Variants in APC2 observed in about 807,000 individuals in gnomAD.
APC2 encodes adenomatous polyposis coli protein 2.
In APC2, 41 loss-of-function variants were observed where a neutral mutation model predicts 72.5. The ratio of observed to expected loss-of-function variants is 0.57; its 90% CI spans 0.44 to 0.73. The LOEUF (loss-of-function observed/expected upper bound fraction) is 0.73. APC2 is among the 30% of genes least tolerant of loss of function. The probability of loss-of-function intolerance (pLI) is 0.00; values close to 1 mark genes in which losing one functional copy is unlikely to be tolerated. For missense variants in APC2, 3,729 were observed against 3,403.4 expected (o/e 1.10, Z -2.38); for synonymous variants, 1,898 against 1,612.0 (o/e 1.18, Z -4.25).
Position 1,455,473 on chromosome 19 carries a change from C to G in APC2, c.612C>G (p.Thr204=). 6.2e-7 allele frequency: 1 copy of G among 1,603,814 alleles called. No homozygotes were observed. Among genetic ancestry groups the G allele is most frequent in the Non-Finnish European group, 8.5e-7 (1 of 1,175,668 alleles). Residue 204 remains threonine, a synonymous_variant, in exon 6 of 15, where the codon ACC becomes ACG. Transcript: ENST00000590469. ...CGCTGATGGAGGAGCGCTTCGGCACCTCGGACGAGATGGTGCAGCGGGCAC... is the reference window on the plus strand; with the variant it reads ...CGCTGATGGAGGAGCGCTTCGGCACGTCGGACGAGATGGTGCAGCGGGCAC... ...IRSLMEERFG[T]SDEMVQRAQI... is the part of the protein sequence containing the mutation.
chr19:1,465,789 G>C lies in APC2; in HGVS notation c.2488G>C (p.Glu830Gln). Residue 830 changes from glutamate to glutamine, a missense_variant, in exon 15 of 15, where the codon GAG becomes CAG. Transcript: ENST00000590469. ...PPTRRGGKEAEKDTSGEAAVA... is the reference protein window; with the variant it reads ...PPTRRGGKEAQKDTSGEAAVA... ...CACCCGCCGAGGCGGCAAGGAGGCA[G>C]AGAAGGACACCAGTGGGGAGGCAGC... is the stretch of plus-strand genomic sequence containing the variant. 1 of 1,579,814 alleles carries C rather than the reference G, an allele frequency of 6.3e-7. No individual in the cohort carries two copies. Among genetic ancestry groups the C allele is most frequent in the Non-Finnish European group, 8.6e-7 (1 of 1,164,598 alleles).
chr19:1,460,265 G>A lies in APC2; in HGVS notation c.1388G>A (p.Arg463His), dbSNP rs148440924. 49 of 1,613,418 alleles carry A rather than the reference G, an allele frequency of 3.0e-5. No homozygotes were observed. The highest frequency in any genetic ancestry group is 1.2e-4 in the Admixed American group (7 of 60,008). The change falls in exon 11 of 15, where the codon CGC becomes CAC. Residue 463 changes from arginine to histidine, a missense_variant. By Grantham distance (29) the Arg-to-His change is conservative. Coordinates refer to ENST00000590469, the MANE Select transcript of APC2 (RefSeq NM_005883.3). ...CGGGACCCGCTGAACCTGGCGCTGC[G>A]CCGCTACGCGGGCATGACCCTCACC... ...MTRDPLNLAL[R>H]RYAGMTLTNL... is the part of the protein sequence containing the mutation.
At chr19:1,455,617 G>T (rs2083810885) in intron 6 of APC2, 117 bp downstream of exon 6, 6 of 1,007,100 alleles carry the variant, frequency 6.0e-6, no homozygotes, top group African/African-American at 1.6e-5. Context: ...ATGCCTCCTG[G>T]GTTGGGGGGC....
rs755135928 is a variant in APC2, at chr19:1,467,981, G to A, written c.4680G>A (p.Pro1560=). 9 of 1,579,118 alleles carry A rather than the reference G, an allele frequency of 5.7e-6. No individual in the cohort carries two copies. Among genetic ancestry groups the A allele is most frequent in the Admixed American group, 1.7e-5 (1 of 58,496 alleles). The change falls in exon 15 of 15, where the codon CCG becomes CCA. Residue 1560 remains proline, a synonymous_variant. Coordinates refer to ENST00000590469, the MANE Select transcript of APC2 (RefSeq NM_005883.3). ...CCAAGGCTGCACCAGCTGCCCCGCC[G>A]CCCGCCCGGACCCAGCCCAGCCTCA... The part of the protein sequence containing the change: ...APSKAAPAAP[P]PARTQPSLIA...
Position 1,468,050 on chromosome 19 carries a change from C to T in APC2, c.4749C>T (p.Ala1583=). ...TPPCYSLSSS[A]SSLSEPEPSE... ...CCTGCTACTCCCTGAGCTCCTCCGC[C>T]AGCTCCCTCAGCGAGCCCGAGCCCT... The change falls in exon 15 of 15, where the codon GCC becomes GCT. Residue 1583 remains alanine, a synonymous_variant. Coordinates refer to ENST00000590469, the MANE Select transcript of APC2 (RefSeq NM_005883.3). 6.3e-7 allele frequency: 1 copy of T among 1,576,856 alleles called. No homozygotes were observed. The highest frequency in any genetic ancestry group is 8.5e-7 in the Non-Finnish European group (1 of 1,170,922).
rs929405000 is a variant in APC2, at chr19:1,470,304, G to A, written c.*91G>A. 2 of 1,420,278 alleles carry A rather than the reference G, an allele frequency of 1.4e-6. No homozygotes were observed. The highest frequency in any genetic ancestry group is 1.5e-5 in the South Asian group (1 of 68,540). 88.0% of individuals were successfully genotyped at this position (1,420,278 alleles called of 1,614,324 possible). ...GCCTGCGCTGTAGACGTCCCCCATA[G>A]GTCGCCCCAGGGCCTCTGCCCACCC... On this transcript the variant is annotated 3_prime_UTR_variant, in exon 15 of 15. Transcript: ENST00000590469.
chr19:1,466,622 G>A lies in APC2; in HGVS notation c.3321G>A (p.Glu1107=), dbSNP rs1223547300. ...GGCTGGAGGAGGCCGGCCCCAGCGA[G>A]GCTGAGCTGGACAGCACGTGGCGGG... ...LEGLEEAGPS[E]AELDSTWRAP... is the part of the protein sequence containing the mutation. The change falls in exon 15 of 15, where the codon GAG becomes GAA. Residue 1107 remains glutamate, a synonymous_variant. Transcript: ENST00000590469. 1 of 1,521,520 alleles carries A rather than the reference G, an allele frequency of 6.6e-7. No homozygotes were observed. The allele number at this position is 1,521,520 out of a possible 1,614,324, so 94.3% of individuals were successfully genotyped here.
chr19:1,465,982 C>T lies in APC2; in HGVS notation c.2681C>T (p.Pro894Leu), dbSNP rs1599155128. 1 of 1,529,282 alleles carries T rather than the reference C, an allele frequency of 6.5e-7. No individual in the cohort carries two copies. Among genetic ancestry groups the T allele is most frequent in the Non-Finnish European group, 8.7e-7 (1 of 1,147,358 alleles). The allele number at this position is 1,529,282 out of a possible 1,614,324, so 94.7% of individuals were successfully genotyped here. A position where few individuals can be genotyped will look rare whatever the true frequency, so the allele number is the denominator to read the frequency against. Residue 894 changes from proline to leucine, a missense_variant, in exon 15 of 15, where the codon CCA (proline) becomes CTA (leucine). Coordinates refer to ENST00000590469, the MANE Select transcript of APC2 (RefSeq NM_005883.3). ...GAGGGCCGCGCCCAGTCCTGCTCGC[C>T]ATGCCGCGGCCCGGAGGGCGGGCGG... is the stretch of plus-strand genomic sequence containing the variant. ...PREGRAQSCS[P>L]CRGPEGGRRE... is the part of the protein sequence containing the mutation.
In APC2 at chr19:1,452,881, T is replaced by C; in HGVS notation, c.-18-103T>C. On this transcript the variant is annotated intron_variant, in intron 1 of 14. Coordinates refer to ENST00000590469, the MANE Select transcript of APC2 (RefSeq NM_005883.3). The surrounding 1 kb of genome is among the most constrained non-coding windows in gnomAD (Gnocchi z 5.1). ...GCCTGAGACCCCCCCCAACCCAGGATCAGGCAGGACGGCTGGGGCTTAGGT... is the reference window on the plus strand; with the variant it reads ...GCCTGAGACCCCCCCCAACCCAGGACCAGGCAGGACGGCTGGGGCTTAGGT... The C allele has an allele frequency of 7.2e-7, 1 of 1,380,110 alleles. No homozygotes were observed. The highest frequency in any genetic ancestry group is 2.5e-5 in the East Asian group (1 of 40,810). The allele number at this position is 1,380,110 out of a possible 1,614,324, so 85.5% of individuals were successfully genotyped here. A position where few individuals can be genotyped will look rare whatever the true frequency, so the allele number is the denominator to read the frequency against.
At chr19:1,446,612 T>G (rs968334475), upstream of APC2, among the ~76,000 whole-genome samples, 17 of 151,982 alleles carry the variant, frequency 1.1e-4, no homozygotes, top group African/African-American at 4.1e-4. This position sits in a 1 kb window ranked among gnomAD's most constrained non-coding sequence, Gnocchi z 6.1. Flanking sequence ...AGCCCAGCCC[T>G]CGGCCTCTGC....
In APC2 at chr19:1,468,971, C is replaced by T. The variant is rs748558228; in HGVS notation, c.5670C>T (p.Arg1890=). ...CCTCCCAGCCCCTGCCCAGAAAGCG[C>T]CCCCCGGTCACCCAGGCTGCTGGGG... ...SPASQPLPRK[R]PPVTQAAGAL... Residue 1890 remains arginine, a synonymous_variant, in exon 15 of 15, where the codon CGC becomes CGT. Transcript: ENST00000590469. 3.2e-6 allele frequency: 5 copies of T among 1,557,914 alleles called. No homozygotes were observed. The highest frequency in any genetic ancestry group is 2.4e-5 in the South Asian group (2 of 84,522).
In APC2 at chr19:1,450,176, G is replaced by T; in HGVS notation, c.-181G>T. On this transcript the variant is annotated 5_prime_UTR_variant, in exon 1 of 15. Coordinates refer to ENST00000590469, the MANE Select transcript of APC2 (RefSeq NM_005883.3). ...AGCGCCGCCTGCCCAGGCCCGGACCGGGCTTTGTCCGCCCCGGAGCCCCTG... is the reference window on the plus strand; with the variant it reads ...AGCGCCGCCTGCCCAGGCCCGGACCTGGCTTTGTCCGCCCCGGAGCCCCTG... 1.0e-6 allele frequency: 1 copy of T among 985,282 alleles called. No homozygotes were observed. Among genetic ancestry groups the T allele is most frequent in the Non-Finnish European group, 1.2e-6 (1 of 829,888 alleles). 61.0% of individuals were successfully genotyped at this position (985,282 alleles called of 1,614,324 possible).
chr19:1,459,837 G>A (rs1230550273), intron 10 of APC2, among the ~76,000 whole-genome samples: 1 of 152,166 alleles, frequency 6.6e-6, no homozygotes, highest in Non-Finnish European at 1.5e-5. Flanking sequence ...GAGGACTCAG[G>A]GGGCCTTCCC....
In APC2 at chr19:1,460,800, C is replaced by A. The variant is rs149237523; in HGVS notation, c.1464C>A (p.Arg488=). The A allele has an allele frequency of 1.1e-5, 17 of 1,613,172 alleles. No homozygotes were observed. The highest frequency in any genetic ancestry group is 1.4e-5 in the Non-Finnish European group (17 of 1,179,960). ...AACAGGCCACCCTGTGTGCGCGCCG[C>A]GGCTGCATGGAGGCCATCGTGGCCC... ...VANKATLCAR[R]GCMEAIVAQL... The change falls in exon 12 of 15, where the codon CGC becomes CGA. Residue 488 remains arginine (R), a synonymous_variant. Coordinates refer to ENST00000590469, the MANE Select transcript of APC2 (RefSeq NM_005883.3).
rs1195963931 is a variant in APC2 at position 1,453,026 on chromosome 19, G to A, written c.25G>A (p.Glu9Lys). MASSVAPY[E>K]QLVRQVEALK... is the part of the protein sequence containing the mutation. ...GATGGCGAGCTCCGTGGCGCCCTAC[G>A]AGCAGCTGGTGAGGCAGGTGGAGGC... Residue 9 changes from glutamate to lysine, a missense_variant, in exon 2 of 15, where the codon GAG becomes AAG. Transcript: ENST00000590469. 1.2e-5 allele frequency: 19 copies of A among 1,611,312 alleles called. No individual in the cohort carries two copies. Among genetic ancestry groups the A allele is most frequent in the Non-Finnish European group, 1.6e-5 (19 of 1,179,950 alleles).
Position 1,465,984 on chromosome 19 carries a change from T to C in APC2, c.2683T>C (p.Cys895Arg). Residue 895 changes from cysteine (C) to arginine (R), a missense_variant, in exon 15 of 15, where the codon TGC (cysteine) becomes CGC (arginine). Coordinates refer to ENST00000590469, the MANE Select transcript of APC2 (RefSeq NM_005883.3). ...REGRAQSCSP[C>R]RGPEGGRREA... ...GGGCCGCGCCCAGTCCTGCTCGCCA[T>C]GCCGCGGCCCGGAGGGCGGGCGGCG... 6.5e-7 allele frequency: 1 copy of C among 1,527,786 alleles called. No homozygotes were observed. Among genetic ancestry groups the C allele is most frequent in the South Asian group, 1.2e-5 (1 of 82,272 alleles). 94.6% of individuals were successfully genotyped at this position (1,527,786 alleles called of 1,614,324 possible).
In APC2 at chr19:1,466,406, C is replaced by T. The variant is rs2145236968; in HGVS notation, c.3105C>T (p.His1035=). ...AGCAGGCCTGGCTGCCGGCAGACCA[C>T]CTGAGCAAGGTTCCCGAGAAGCTGG... ...ARKQAWLPAD[H]LSKVPEKLAA... is the part of the protein sequence containing the mutation. The change falls in exon 15 of 15, where the codon CAC becomes CAT. Residue 1035 remains histidine, a synonymous_variant. Transcript: ENST00000590469. 6.3e-7 allele frequency: 1 copy of T among 1,595,900 alleles called. No individual in the cohort carries two copies. Among genetic ancestry groups the T allele is most frequent in the East Asian group, 2.2e-5 (1 of 44,778 alleles).
chr19:1,452,702 C>T lies in APC2; in HGVS notation c.-18-282C>T, dbSNP rs567817393. ...AGAGGCCGACCCATCGTCTGTCGGT[C>T]GACTGGTCAGTTGGACGTTCAGCTG... On this transcript the variant is annotated intron_variant, in intron 1 of 14. Transcript: ENST00000590469. The surrounding 1 kb of genome is among the most constrained non-coding windows in gnomAD (Gnocchi z 5.1). The T allele has an allele frequency of 2.9e-4, 117 of 410,054 alleles. 1 individual carries two copies. The South Asian group carries it at 3.7e-3, about 13-fold the overall frequency. The allele number at this position is 410,054 out of a possible 1,614,324, so 25.4% of individuals were successfully genotyped here.
chr19:1,448,843 C>CAA (rs57277236), upstream of APC2, among the ~76,000 whole-genome samples: 3 of 115,268 alleles, frequency 2.6e-5, no homozygotes, highest in South Asian at 2.7e-4. Context: ...GACTCCGTCT[C>CAA]AAAAAAAAAA....
Sources: allele counts gnomAD v4.1 joint callset (sites outside exome capture counted in the v4.1 genomes callset), GRCh38; gene constraint gnomAD v4.1.1; non-coding constraint Gnocchi (gnomAD v3.1); transcripts MANE v1.5; gene names NCBI Gene and HGNC (gene_info 2026-07-23, HGNC 2026-07-21).